Variants in TOR1AIP1 observed in about 807,000 individuals in gnomAD.
TOR1AIP1 encodes torsin-1A-interacting protein 1.
Under a neutral mutation model 63.3 loss-of-function variants are expected in TOR1AIP1, and 54 were observed. The ratio of observed to expected loss-of-function variants is 0.85; its 90% CI spans 0.69 to 1.07. The LOEUF (loss-of-function observed/expected upper bound fraction) is 1.07, where lower values mean the gene tolerates loss of function less well. TOR1AIP1 is among the 50% of genes least tolerant of loss of function. The pLI is 0.00. For synonymous variants in TOR1AIP1, 294 were observed against 273.5 expected (o/e 1.07, Z -0.74); for missense variants, 736 against 715.0 (o/e 1.03, Z -0.33).
chr1:179,891,015 T>TA (rs1311637788), intron 3 of TOR1AIP1, among the ~76,000 whole-genome samples: 1 of 152,304 alleles, frequency 6.6e-6, no homozygotes, highest in Non-Finnish European at 1.5e-5. Context: ...ACTAATTTAT[T>TA]ATGTCAGTTT....
At chr1:179,909,497 G>A (rs1202238441) in intron 8 of TOR1AIP1, among the ~76,000 whole-genome samples, 1 of 151,890 alleles carries the variant, frequency 6.6e-6, no homozygotes, top group Admixed American at 6.6e-5. Context: ...TGCAACCTCT[G>A]CCTCCCGGGT....
chr1:179,886,900 G>A (rs1157383113), intron 2 of TOR1AIP1, among the ~76,000 whole-genome samples: 1 of 152,162 alleles, frequency 6.6e-6, no homozygotes, highest in Non-Finnish European at 1.5e-5. Context: ...ATTATTAAAT[G>A]CTTATAAAGT....
chr1:179,905,549 A>G (rs1648604862), intron 6 of TOR1AIP1, among the ~76,000 whole-genome samples: 1 of 152,160 alleles, frequency 6.6e-6, no homozygotes, highest in African/African-American at 2.4e-5. Context: ...GTTGTGGAAA[A>G]TTACTCTTCG....
intron 3 of TOR1AIP1, among the ~76,000 whole-genome samples, chr1:179,899,303 TA>T (rs1368775543): frequency 6.6e-6 from 1 of 152,016 alleles, no homozygotes; most frequent in East Asian, 1.9e-4. Context: ...GTAAAAATAC[TA>T]TGTTCCAAGT....
rs139588454 is a variant in TOR1AIP1 at position 179,884,874 on chromosome 1, C to T, written c.553+105C>T. 1.2e-5 allele frequency: 10 copies of T among 805,840 alleles called. No individual in the cohort carries two copies. In the East Asian group the frequency reaches 2.3e-4, roughly 19 times the overall value. The allele number at this position is 805,840 out of a possible 1,614,324, so 49.9% of individuals were successfully genotyped here. A position where few individuals can be genotyped will look rare whatever the true frequency, so the allele number is the denominator to read the frequency against. On this transcript the variant is annotated intron_variant, in intron 2 of 9. Transcript: ENST00000606911. The stretch of plus-strand genomic sequence containing the variant: ...TGTAAAGAAAAGACAAGGGCAGACA[C>T]GTGAGTACTCAAGAGTACCAGCCAC...
intron 9 of TOR1AIP1, among the ~76,000 whole-genome samples, chr1:179,915,341 C>T (rs1648959617): frequency 6.6e-6 from 1 of 152,228 alleles, no homozygotes; most frequent in Non-Finnish European, 1.5e-5. Context: ...GAGTATCATG[C>T]ACTGGTCATT....
At chr1:179,905,077 A>G (rs1361573572) in intron 6 of TOR1AIP1, among the ~76,000 whole-genome samples, 2 of 152,052 alleles carry the variant, frequency 1.3e-5, no homozygotes, top group Non-Finnish European at 1.5e-5. Context: ...TTCTTTTCTT[A>G]AGAAAAAACT....
At chr1:179,899,181 A>G (rs977513975) in intron 3 of TOR1AIP1, among the ~76,000 whole-genome samples, 1 of 152,112 alleles carries the variant, frequency 6.6e-6, no homozygotes, top group Non-Finnish European at 1.5e-5. Flanking sequence ...AGTCTAAATC[A>G]TGCTACTTCT....
chr1:179,917,123 C>T (rs1191323708), intron 9 of TOR1AIP1, among the ~76,000 whole-genome samples: 1 of 152,152 alleles, frequency 6.6e-6, no homozygotes, highest in African/African-American at 2.4e-5. Flanking sequence ...CAACTATTAG[C>T]AGTGAAAATA....
chr1:179,909,012 A>T (rs965250582), intron 8 of TOR1AIP1, among the ~76,000 whole-genome samples: 2 of 152,124 alleles, frequency 1.3e-5, no homozygotes, highest in South Asian at 2.1e-4. Context: ...AAAAATATTT[A>T]AAAAAGAAAA....
chr1:179,906,742 C>CTTTTTTTTTTTT, intron 6 of TOR1AIP1, among the ~76,000 whole-genome samples: 1 of 134,812 alleles, frequency 7.4e-6, no homozygotes, highest in African/African-American at 2.8e-5. Flanking sequence ...TCCCCCCCCC[C>CTTTTTTTTTTTT]CTTTTTTTTT....
chr1:179,894,686 CAA>C (rs1248652755), intron 3 of TOR1AIP1, among the ~76,000 whole-genome samples: 1 of 143,242 alleles, frequency 7.0e-6, no homozygotes. Flanking sequence ...GACTCCATCT[CAA>C]AAAAAAAAAG....
At chr1:179,908,873 A>T (rs1454424821) in intron 8 of TOR1AIP1, among the ~76,000 whole-genome samples, 200 bp downstream of exon 8, 1 of 152,176 alleles carries the variant, frequency 6.6e-6, no homozygotes, top group Admixed American at 6.5e-5. Context: ...GGCGTGAGAA[A>T]ACCAGAGATT....
chr1:179,903,018 A>T (rs1029404575), intron 5 of TOR1AIP1, among the ~76,000 whole-genome samples: 1 of 152,266 alleles, frequency 6.6e-6, no homozygotes, highest in East Asian at 1.9e-4. Context: ...AAAAAAAAAA[A>T]ATATGGGCAC....
rs1021447566 is a variant in TOR1AIP1, at chr1:179,882,831, A to C, written c.329A>C (p.Gln110Pro). 6 of 1,614,230 alleles carry C rather than the reference A, an allele frequency of 3.7e-6. No individual in the cohort carries two copies. Among genetic ancestry groups the C allele is most frequent in the Non-Finnish European group, 5.1e-6 (6 of 1,180,042 alleles). The change falls in exon 1 of 10, where the codon CAG (glutamine) becomes CCG (proline). Residue 110 changes from glutamine to proline, a missense_variant. By Grantham distance (76) the Gln-to-Pro change is moderately conservative (BLOSUM62 -1). This residue lies in a region of TOR1AIP1 where 464 missense variants were observed against 371.0 expected (regional missense o/e 1.25). Coordinates refer to ENST00000606911, the MANE Select transcript of TOR1AIP1 (RefSeq NM_015602.4). The stretch of plus-strand genomic sequence containing the variant: ...AGCGCGTACTACCTTCGGTCTAGGC[A>C]GCGGAGGCAGCCGCGACCCCAGGAA... ...RESAYYLRSR[Q>P]RRQPRPQETE... is the part of the protein sequence containing the mutation.
chr1:179,889,455 C>A, intron 3 of TOR1AIP1, 86 bp downstream of exon 3: 2 of 1,171,690 alleles, frequency 1.7e-6, no homozygotes, highest in African/African-American at 1.5e-5. Flanking sequence ...TCATATGATT[C>A]AGAACTTAAA....
At chr1:179,901,271 C>T (rs2148476974) in intron 4 of TOR1AIP1, 31 bp from the exon 5 acceptor site, 1 of 1,432,216 alleles carries the variant, frequency 7.0e-7, no homozygotes, top group East Asian at 2.3e-5. Context: ...TTAAAATAGA[C>T]TATATTAGTA....
chr1:179,908,678 G>A lies in TOR1AIP1; in HGVS notation c.907+5G>A. ...GAATAAGGACCAGGATGCAAAGTAAGTAGATAAATCTCTGTTATTGAAATA... is the reference window on the plus strand; with the variant it reads ...GAATAAGGACCAGGATGCAAAGTAAATAGATAAATCTCTGTTATTGAAATA... On this transcript the variant is annotated splice_donor_5th_base_variant and intron_variant, in intron 8 of 9. Coordinates refer to ENST00000606911, the MANE Select transcript of TOR1AIP1 (RefSeq NM_015602.4). 1 of 1,610,964 alleles carries A rather than the reference G, an allele frequency of 6.2e-7. No homozygotes were observed. Among genetic ancestry groups the A allele is most frequent in the Non-Finnish European group, 8.5e-7 (1 of 1,177,828 alleles).
chr1:179,892,557 G>A lies in TOR1AIP1; in HGVS notation c.610+3188G>A, dbSNP rs1188616593. 3.3e-5 allele frequency among the ~76,000 whole-genome samples: 5 copies of A among 151,934 alleles called. No individual in the cohort carries two copies. The East Asian group carries it at 9.7e-4, about 29-fold the overall frequency. ...TCGAGATCATCCTGGCTAACATGGT[G>A]AAACCCCGTCTCTACTAAAAAGTAC... On this transcript the variant is annotated intron_variant, in intron 3 of 9. Coordinates refer to ENST00000606911, the MANE Select transcript of TOR1AIP1 (RefSeq NM_015602.4).
Sources: gnomAD v4.1 joint callset for allele counts (sites outside exome capture counted in the v4.1 genomes callset) on GRCh38, gnomAD v4.1.1 for gene constraint, gnomAD v4.1.1 regional missense constraint, MANE v1.5 for transcripts, NCBI Gene and HGNC (gene_info 2026-07-23, HGNC 2026-07-21) for gene names.